The following GRID2 variants were observed in gnomAD, a reference collection of about 807,000 sequenced individuals.
GRID2 encodes the protein glutamate receptor ionotropic, delta-2.
A neutral mutation model predicts 114.8 loss-of-function variants in GRID2; 33 were observed. That is an observed-to-expected ratio of 0.29 (90% CI 0.22 to 0.38). GRID2 has a LOEUF of 0.38. Among genes scored for constraint, GRID2 ranks in the 10% least tolerant of loss-of-function variants. GRID2 has a pLI of 1.00. For missense variants in GRID2, 1,184 were observed against 1,257.7 expected (o/e 0.94, Z 0.89); for synonymous variants, 505 against 449.9 (o/e 1.12, Z -1.55).
intron 8 of GRID2, chr4:93,306,022 T>G (rs2149176894): frequency 6.6e-6 from 1 of 152,362 alleles, no homozygotes; most frequent in South Asian, 2.1e-4. Context: ...ATACACTTGT[T>G]ACCTGATTAT....
chr4:92,306,662 T>A (rs1725424308), intron 1 of GRID2, among the ~76,000 whole-genome samples: 1 of 152,234 alleles, frequency 6.6e-6, no homozygotes, highest in South Asian at 2.1e-4. Flanking sequence ...CCTACAGCTT[T>A]TGCTATCCCT....
At chr4:93,327,788 A>G (rs1757998684) in intron 8 of GRID2, among the ~76,000 whole-genome samples, 1 of 152,092 alleles carries the variant, frequency 6.6e-6, no homozygotes, top group African/African-American at 2.4e-5. Flanking sequence ...GGTACAATGT[A>G]CATTGTTCTG....
At chr4:92,556,039 A>T (rs1005430232) in intron 1 of GRID2, among the ~76,000 whole-genome samples, 1 of 152,096 alleles carries the variant, frequency 6.6e-6, no homozygotes, top group African/African-American at 2.4e-5. Context: ...AGGAGACCCA[A>T]ATCTAATCTG....
At chr4:93,562,776 T>C (rs796313699) in intron 13 of GRID2, among the ~76,000 whole-genome samples, 54 of 152,202 alleles carry the variant, frequency 3.5e-4, no homozygotes, top group African/African-American at 1.2e-3. Flanking sequence ...CTAGCACCAT[T>C]TGTTGAAAAG....
chr4:92,347,041 G>A (rs1487725575), intron 1 of GRID2, among the ~76,000 whole-genome samples: 3 of 152,128 alleles, frequency 2.0e-5, no homozygotes, highest in Non-Finnish European at 4.4e-5. Flanking sequence ...TGGGGAAAAT[G>A]ACCACTGCCA....
chr4:92,849,688 A>T (rs1308578279), intron 2 of GRID2, among the ~76,000 whole-genome samples: 1 of 151,778 alleles, frequency 6.6e-6, no homozygotes, highest in African/African-American at 2.4e-5. Flanking sequence ...AAAATCACTT[A>T]TATTTACTTT....
In GRID2 at chr4:92,666,034, A is replaced by T. The variant is rs1325550859; in HGVS notation, c.244+75748A>T. Among the ~76,000 whole-genome samples, 3 of 151,330 alleles carry T rather than the reference A, an allele frequency of 2.0e-5. No individual in the cohort carries two copies. In the East Asian group the frequency reaches 5.8e-4, roughly 29 times the overall value. On this transcript the variant is annotated intron_variant, in intron 2 of 15. Transcript: ENST00000282020. Reference sequence around the variant, plus strand: ...TCTTTCATTTTCTTCTCCTTCGGAGACTACTATAATGTGTATATTGGTCTT... The same window carrying T: ...TCTTTCATTTTCTTCTCCTTCGGAGTCTACTATAATGTGTATATTGGTCTT...
chr4:93,787,431 G>C (rs557833166), intron 1 of GRID2, among the ~76,000 whole-genome samples: 2 of 152,108 alleles, frequency 1.3e-5, no homozygotes, highest in Admixed American at 6.5e-5. Context: ...AATAAGCAAG[G>C]TTCTGTCTAA....
Position 93,569,788 on chromosome 4 carries a change from C to A in GRID2, c.2193+54377C>A, listed in dbSNP as rs535008030. Reference sequence around the variant, plus strand: ...CAAAGACACTGTGATTCTGACTGTGCTGTTCTCTCAGATTTTCTCATCATT... The same window carrying A: ...CAAAGACACTGTGATTCTGACTGTGATGTTCTCTCAGATTTTCTCATCATT... On this transcript the variant is annotated intron_variant, in intron 13 of 15. Coordinates refer to ENST00000282020, the MANE Select transcript of GRID2 (RefSeq NM_001510.4). 1.1e-4 allele frequency among the ~76,000 whole-genome samples: 17 copies of A among 152,164 alleles called. No homozygotes were observed. In the South Asian group the frequency reaches 3.5e-3, roughly 32 times the overall value.
intron 13 of GRID2, among the ~76,000 whole-genome samples, chr4:93,589,936 G>A (rs1176230644): frequency 1.3e-5 from 2 of 150,762 alleles, no homozygotes; most frequent in Admixed American, 6.6e-5. Flanking sequence ...TGAGTTCATT[G>A]TAGATTCTGG....
At chr4:92,796,098 G>C (rs1009604743) in intron 2 of GRID2, among the ~76,000 whole-genome samples, 1 of 151,744 alleles carries the variant, frequency 6.6e-6, no homozygotes, top group Non-Finnish European at 1.5e-5. Flanking sequence ...AATCATTCCC[G>C]ACTTCCATGA....
chr4:92,665,661 CTCTAACTTTTGAA>C (rs996909752), intron 2 of GRID2, among the ~76,000 whole-genome samples: 5 of 150,094 alleles, frequency 3.3e-5, no homozygotes, highest in African/African-American at 4.9e-5. Context: ...TTTTATTTTT[CTCTAACTTTTGAA>C]AGATAATTTT....
chr4:93,531,409 T>C (rs192954872), intron 13 of GRID2, among the ~76,000 whole-genome samples: 7 of 152,280 alleles, frequency 4.6e-5, no homozygotes, highest in Admixed American at 6.5e-5. Flanking sequence ...AAATATTGCA[T>C]AGAGTATTAT....
chr4:92,489,600 C>G (rs1046030022), intron 1 of GRID2, among the ~76,000 whole-genome samples: 1 of 152,090 alleles, frequency 6.6e-6, no homozygotes, highest in Non-Finnish European at 1.5e-5. Flanking sequence ...AATCCCAGCA[C>G]TTTGGGAGGC....
chr4:92,628,676 A>T (rs943508723), intron 2 of GRID2, among the ~76,000 whole-genome samples: 4 of 151,986 alleles, frequency 2.6e-5, no homozygotes, highest in Admixed American at 1.3e-4. Context: ...CTGTTTACAC[A>T]CTTTCAGCAA....
At chr4:93,299,955 T>C (rs1754695482) in intron 8 of GRID2, among the ~76,000 whole-genome samples, 2 of 152,200 alleles carry the variant, frequency 1.3e-5, no homozygotes, top group African/African-American at 4.8e-5. Context: ...CCTCTGCAAA[T>C]ACCCAAATCT....
intron 2 of GRID2, among the ~76,000 whole-genome samples, chr4:93,045,449 C>A (rs1399495814): frequency 1.3e-5 from 2 of 151,914 alleles, no homozygotes; most frequent in East Asian, 1.9e-4. Context: ...TTTTTGAGAC[C>A]AAAATAACTT....
intron 1 of GRID2, among the ~76,000 whole-genome samples, chr4:92,474,660 C>T (rs1722207844): frequency 6.6e-6 from 1 of 151,974 alleles, no homozygotes; most frequent in African/African-American, 2.4e-5. Context: ...CCCTTTTCTC[C>T]ATTTCCTCAC....
intron 1 of GRID2, among the ~76,000 whole-genome samples, chr4:92,427,099 T>G (rs1367402206): frequency 6.6e-6 from 1 of 152,172 alleles, no homozygotes; most frequent in African/African-American, 2.4e-5. Flanking sequence ...GTTTGTTCTA[T>G]TTTTGGCTTA....
Sources: gnomAD v4.1 joint callset for allele counts (sites outside exome capture counted in the v4.1 genomes callset) on GRCh38, gnomAD v4.1.1 for gene constraint, MANE v1.5 for transcripts, NCBI Gene and HGNC (gene_info 2026-07-23, HGNC 2026-07-21) for gene names.